Variants in MFRP observed in about 807,000 individuals in gnomAD.
MFRP encodes the protein membrane frizzled-related protein.
A neutral mutation model predicts 65.8 loss-of-function variants in MFRP; 74 were observed. The ratio of observed to expected loss-of-function variants is 1.12; its 90% CI spans 0.93 to 1.36. The LOEUF (loss-of-function observed/expected upper bound fraction) is 1.36. Among genes scored for constraint, MFRP ranks in the 40% most tolerant of loss-of-function variants. The pLI is 0.00. For synonymous variants in MFRP, 336 were observed against 288.3 expected (o/e 1.17, Z -1.68); for missense variants, 838 against 736.0 (o/e 1.14, Z -1.60).
chr11:119,344,918 C>T lies in MFRP; in HGVS notation c.728G>A (p.Gly243Glu), dbSNP rs751515203. The change falls in exon 6 of 15, where the codon GGA becomes GAA. Residue 243 changes from glycine (G) to glutamate (E), a missense_variant. Transcript: ENST00000619721. ...CTGGTACCAGGCATGGAAACCAAAT[C>T]CTTCCACACTGCTGTCAGAGACGAA... ...VVFVSDSSVE[G>E]FGFHAWYQAM... 8.1e-6 allele frequency: 13 copies of T among 1,612,118 alleles called. No homozygotes were observed. In the Admixed American group the frequency reaches 2.0e-4, roughly 25 times the overall value.
intron 14 of MFRP, 122 bp downstream of exon 14, chr11:119,340,062 G>A (rs2135365066): frequency 1.5e-6 from 2 of 1,317,112 alleles, no homozygotes; most frequent in Non-Finnish European, 2.0e-6. Flanking sequence ...CCCGCTCAGG[G>A]CTGCAAAGCG....
rs142533439 is a variant in MFRP, at chr11:119,342,731, C to T, written c.1256-4G>A. The T allele has an allele frequency of 2.0e-4, 322 of 1,613,600 alleles. 3 individuals are homozygous for T. The Middle Eastern group carries it at 2.8e-3, about 14-fold the overall frequency. ...AGCTCACTGGGCCCACAGGGGTCTG[C>T]AGGCACAAGGGGCATGGCAGTGCCC... On this transcript the variant is annotated splice_polypyrimidine_tract_variant and splice_region_variant and intron_variant, in intron 10 of 14. Transcript: ENST00000619721.
In MFRP at chr11:119,345,007, G is replaced by A. The variant is rs759013047; in HGVS notation, c.642-3C>T. ...GGGGAGGCACCCTTCCACAAACCCT[G>A]CAAGAAGCCAGGTTGGGGGTGAGGG... is the stretch of plus-strand genomic sequence containing the variant. On this transcript the variant is annotated splice_region_variant and splice_polypyrimidine_tract_variant and intron_variant, in intron 5 of 14. Transcript: ENST00000619721. 2.5e-5 allele frequency: 40 copies of A among 1,603,012 alleles called. No individual in the cohort carries two copies. The highest frequency in any genetic ancestry group is 2.4e-4 in the Admixed American group (14 of 57,580).
At chr11:119,343,692 C>A (rs938786968) in intron 9 of MFRP, 124 bp downstream of exon 9, 12 of 1,230,844 alleles carry the variant, frequency 9.7e-6, no homozygotes, top group African/African-American at 4.4e-5. Flanking sequence ...GGTGAAGAGA[C>A]CCCCGGCCTG....
At position 119,346,265 on chromosome 11, in the gene MFRP, T is replaced by A; in HGVS notation, c.157+7A>T. On this transcript the variant is annotated splice_region_variant and intron_variant, in intron 2 of 14. Transcript: ENST00000619721. ...TCCTCCCCCAGGTCACCCCCTGGGA[T>A]GGTTACCATGCCAGGGAGCTGGGAC... The A allele has an allele frequency of 6.2e-7, 1 of 1,609,636 alleles. No individual in the cohort carries two copies. The highest frequency in any genetic ancestry group is 8.5e-7 in the Non-Finnish European group (1 of 1,177,714).
At chr11:119,342,090 G>A (rs562656011) in intron 11 of MFRP, 106 bp from the exon 12 acceptor site, 1 of 1,424,662 alleles carries the variant, frequency 7.0e-7, no homozygotes, top group Admixed American at 1.9e-5. Context: ...GTCCAATGGG[G>A]GTGGTTGTGA....
chr11:119,341,701 G>T lies in MFRP; in HGVS notation c.1587C>A (p.Thr529=). The T allele has an allele frequency of 6.2e-7, 1 of 1,613,130 alleles. No homozygotes were observed. The highest frequency in any genetic ancestry group is 8.5e-7 in the Non-Finnish European group (1 of 1,180,018). ...LLCGLLVPRC[T]PLGSVLPPCR... is the part of the protein sequence containing the mutation. ...AAGGGGGCAGAACACTGCCTAGTGG[G>T]GTGCAACGGGGCACAAGCAGCCCAC... is the stretch of plus-strand genomic sequence containing the variant. Residue 529 remains threonine, a synonymous_variant, in exon 13 of 15, where the codon ACC becomes ACA. Transcript: ENST00000619721.
chr11:119,345,048 G>C, intron 5 of MFRP, 44 bp from the exon 6 acceptor site: 1 of 1,584,774 alleles, frequency 6.3e-7, no homozygotes, highest in Non-Finnish European at 8.6e-7. Flanking sequence ...CCAAGAGCAG[G>C]GTCAGCCAGA....
chr11:119,343,192 C>G (rs537606621), intron 9 of MFRP, among the ~76,000 whole-genome samples, 189 bp from the exon 10 acceptor site: 1 of 152,322 alleles, frequency 6.6e-6, no homozygotes, highest in Admixed American at 6.5e-5. Context: ...ACTGTCTGAA[C>G]TCGAGCCACT....
At position 119,346,695 on chromosome 11, in the gene MFRP, T is replaced by G; in HGVS notation, c.-182A>C. ...GAGTGGTTTGGCCTATGGGCTACTC[T>G]GTCTCTGTGTGGGGGAAGGGATGGC... On this transcript the variant is annotated 5_prime_UTR_variant, in exon 1 of 15. Coordinates refer to ENST00000619721, the MANE Select transcript of MFRP (RefSeq NM_031433.4). 1.5e-6 allele frequency: 1 copy of G among 664,572 alleles called. No homozygotes were observed. Among genetic ancestry groups the G allele is most frequent in the Non-Finnish European group, 2.7e-6 (1 of 367,510 alleles). 41.2% of individuals were successfully genotyped at this position (664,572 alleles called of 1,614,324 possible).
chr11:119,344,886 C>T lies in MFRP; in HGVS notation c.760G>A (p.Ala254Thr), dbSNP rs772518700. ...GGAACACACTCACCGCGCCCAGGGG[C>T]CATAGCCTGGTACCAGGCATGGAAA... Reference protein sequence around the residue: ...FGFHAWYQAMAPGRGSCAHDE... With the variant: ...FGFHAWYQAMTPGRGSCAHDE... Residue 254 changes from alanine (A) to threonine (T), a missense_variant, in exon 6 of 15, where the codon GCC (alanine) becomes ACC (threonine). By Grantham distance (58) the Ala-to-Thr change is moderately conservative. Transcript: ENST00000619721. 3 of 1,612,994 alleles carry T rather than the reference C, an allele frequency of 1.9e-6. No homozygotes were observed. Among genetic ancestry groups the T allele is most frequent in the Non-Finnish European group, 2.5e-6 (3 of 1,179,892 alleles).
chr11:119,340,200 G>T lies in MFRP; in HGVS notation c.*1094C>A, dbSNP rs932268494. On this transcript the variant is annotated 3_prime_UTR_variant, in exon 14 of 15. Transcript: ENST00000619721. Reference sequence around the variant, plus strand: ...CCTTCTTACCCGGCCTCCCGCCCTCGCCTTTCTCTCCCGGAGCCCCGGGCG... The same window carrying T: ...CCTTCTTACCCGGCCTCCCGCCCTCTCCTTTCTCTCCCGGAGCCCCGGGCG... 1 of 1,516,010 alleles carries T rather than the reference G, an allele frequency of 6.6e-7. No homozygotes were observed. The highest frequency in any genetic ancestry group is 8.8e-7 in the Non-Finnish European group (1 of 1,134,764). The allele number at this position is 1,516,010 out of a possible 1,614,324, so 93.9% of individuals were successfully genotyped here. A position where few individuals can be genotyped will look rare whatever the true frequency, so the allele number is the denominator to read the frequency against.
chr11:119,344,496 A>G, intron 7 of MFRP, 105 bp from the exon 8 acceptor site: 2 of 1,571,736 alleles, frequency 1.3e-6, no homozygotes, highest in Non-Finnish European at 8.7e-7. Context: ...CCCATGGGAA[A>G]CAAGTTCTGG....
At position 119,339,908 on chromosome 11, in the gene MFRP, G is replaced by A; in HGVS notation, c.*1111-60C>T. The A allele has an allele frequency of 1.4e-6, 2 of 1,429,276 alleles. No individual in the cohort carries two copies. Among genetic ancestry groups the A allele is most frequent in the Admixed American group, 2.9e-5 (1 of 34,192 alleles). The allele number at this position is 1,429,276 out of a possible 1,614,324, so 88.5% of individuals were successfully genotyped here. ...CGGCGGCTCAGCCCGCAGCGGGGCG[G>A]CGACTCTAAGGTCACCGTACCCCTC... On this transcript the variant is annotated intron_variant, in intron 14 of 14. Transcript: ENST00000619721. The surrounding 1 kb of genome is among the most constrained non-coding windows in gnomAD (Gnocchi z 5.4).
rs1216908582 is a variant in MFRP at position 119,345,575 on chromosome 11, G to A, written c.486C>T (p.Asp162=). ...RGFFSSPNYP[D]PYPPNTHCVW... ...CGCAGTGGGTGTTGGGGGGGTAAGGGTCTGGGTAGTTAGGGCTGCTGAAGA... is the reference window on the plus strand; with the variant it reads ...CGCAGTGGGTGTTGGGGGGGTAAGGATCTGGGTAGTTAGGGCTGCTGAAGA... Residue 162 remains aspartate (D), a synonymous_variant, in exon 5 of 15, where the codon GAC becomes GAT. Coordinates refer to ENST00000619721, the MANE Select transcript of MFRP (RefSeq NM_031433.4). 1.1e-5 allele frequency: 18 copies of A among 1,613,834 alleles called. No individual in the cohort carries two copies. Among genetic ancestry groups the A allele is most frequent in the Non-Finnish European group, 1.5e-5 (18 of 1,180,026 alleles).
intron 3 of MFRP, 43 bp downstream of exon 3, chr11:119,346,003 T>C: frequency 6.2e-7 from 1 of 1,612,930 alleles, no homozygotes; most frequent in Non-Finnish European, 8.5e-7. Context: ...CTCATGGAGT[T>C]TCATTCCAAA....
rs200069261 is a variant in MFRP at position 119,343,978 on chromosome 11, T to C, written c.976-14A>G. Reference sequence around the variant, plus strand: ...CCAGGTGCAGAGCTGGGGGAGGGCATAGGTGGAGCAATTCATGGCCCCTTC... The same window carrying C: ...CCAGGTGCAGAGCTGGGGGAGGGCACAGGTGGAGCAATTCATGGCCCCTTC... On this transcript the variant is annotated splice_polypyrimidine_tract_variant and intron_variant, in intron 8 of 14. Coordinates refer to ENST00000619721, the MANE Select transcript of MFRP (RefSeq NM_031433.4). 1.2e-6 allele frequency: 2 copies of C among 1,610,298 alleles called. No homozygotes were observed. Among genetic ancestry groups the C allele is most frequent in the Non-Finnish European group, 1.7e-6 (2 of 1,179,756 alleles).
rs375311255 is a variant in MFRP at position 119,345,623 on chromosome 11, G to C, written c.438C>G (p.Gly146=). The stretch of plus-strand genomic sequence containing the variant: ...AGAAGCCCCTTGGGCCAGAGAGGAG[G>C]CCTCCACAGGCTGCAGAGATGGAGG... The part of the protein sequence containing the change: ...VSPSPQSTCG[G]LLSGPRGFFS... Residue 146 remains glycine, a synonymous_variant, in exon 5 of 15, where the codon GGC becomes GGG. Coordinates refer to ENST00000619721, the MANE Select transcript of MFRP (RefSeq NM_031433.4). 65 of 1,613,522 alleles carry C rather than the reference G, an allele frequency of 4.0e-5. No individual in the cohort carries two copies. Among genetic ancestry groups the C allele is most frequent in the Non-Finnish European group, 5.4e-5 (64 of 1,179,934 alleles).
rs883246 is a variant in MFRP at position 119,346,578 on chromosome 11, C to T, written c.-65G>A. 12,650 of 1,538,402 alleles carry T rather than the reference C, an allele frequency of 8.2e-3. 71 individuals carry two copies. The highest frequency in any genetic ancestry group is 8.9e-3 in the Non-Finnish European group (9,908 of 1,112,712). ...AGCCCAAGACCCCCAAGGGCCCACT[C>T]GCTGACCACAAACTCCCTGTCAGAG... On this transcript the variant is annotated 5_prime_UTR_variant, in exon 1 of 15. Coordinates refer to ENST00000619721, the MANE Select transcript of MFRP (RefSeq NM_031433.4).
Sources: allele counts gnomAD v4.1 joint callset (sites outside exome capture counted in the v4.1 genomes callset), GRCh38; gene constraint gnomAD v4.1.1; non-coding constraint Gnocchi (gnomAD v3.1); transcripts MANE v1.5; gene names NCBI Gene and HGNC (gene_info 2026-07-23, HGNC 2026-07-21).